Variants in NPR1 observed in about 807,000 individuals in gnomAD.
NPR1 encodes the protein natriuretic peptide receptor 1.
Under a neutral mutation model 116.9 loss-of-function variants are expected in NPR1, and 57 were observed. The ratio of observed to expected loss-of-function variants is 0.49; its 90% CI spans 0.39 to 0.61. NPR1 has a LOEUF of 0.61. Among genes scored for constraint, NPR1 ranks in the 20% least tolerant of loss-of-function variants. The pLI is 0.00. For missense variants in NPR1, 1,096 were observed against 1,409.8 expected, an observed-to-expected ratio of 0.78 and a Z score of 3.56; for synonymous variants, 555 against 601.6, an observed-to-expected ratio of 0.92 and a Z score of 1.13.
In NPR1 at chr1:153,693,164, C is replaced by T. The variant is rs761994685; in HGVS notation, c.3090C>T (p.Phe1030=). 3.1e-6 allele frequency: 5 copies of T among 1,614,054 alleles called. No homozygotes were observed. Among genetic ancestry groups the T allele is most frequent in the South Asian group, 2.2e-5 (2 of 91,062 alleles). The stretch of plus-strand genomic sequence containing the variant: ...CTGTCCTGGAGGAGTTTGGTGGTTT[C>T]GAGCTGGAGCTTCGAGGGGATGTAG... ...TKAVLEEFGG[F]ELELRGDVEM... Residue 1030 remains phenylalanine (F), a synonymous_variant, in exon 21 of 22, where the codon TTC becomes TTT. Transcript: ENST00000368680.
chr1:153,679,748 AC>A lies in NPR1; in HGVS notation c.641del (p.Thr214ArgfsTer113), dbSNP rs759620301. 6.3e-7 allele frequency: 1 copy of A among 1,591,694 alleles called. No individual in the cohort carries two copies. The highest frequency in any genetic ancestry group is 1.3e-5 in the African/African-American group (1 of 74,540). The part of the protein sequence containing the change: ...FMRVRDRLNI[T>X]VDHLEFAEDD... ...GCGGGTCCGCGACCGCCTCAATATT[AC>A]GGTGGACCACCTGGAGTTCGCCGAG... is the stretch of plus-strand genomic sequence containing the variant. On this transcript the variant is annotated frameshift_variant, in exon 1 of 22. Coordinates refer to ENST00000368680, the MANE Select transcript of NPR1 (RefSeq NM_000906.4). LOFTEE classifies it high-confidence loss of function. This position sits in a 1 kb window ranked among gnomAD's most constrained non-coding sequence, Gnocchi z 4.2.
intron 2 of NPR1, 134 bp from the exon 3 acceptor site, chr1:153,681,046 G>T: frequency 1.5e-6 from 1 of 650,726 alleles, no homozygotes; most frequent in Non-Finnish European, 2.8e-6. Flanking sequence ...CTTCATGCAG[G>T]GCATAGGGTC....
chr1:153,678,915 C>T lies in NPR1; in HGVS notation c.-194C>T, dbSNP rs1173145691. ...TCCGCGGCGCCCTGCGCGCCCCCCTCGGTCGCGCCCCTTGCGCTCTCGGCC... is the reference window on the plus strand; with the variant it reads ...TCCGCGGCGCCCTGCGCGCCCCCCTTGGTCGCGCCCCTTGCGCTCTCGGCC... On this transcript the variant is annotated 5_prime_UTR_variant, in exon 1 of 22. Coordinates refer to ENST00000368680, the MANE Select transcript of NPR1 (RefSeq NM_000906.4). The surrounding 1 kb of genome is among the most constrained non-coding windows in gnomAD (Gnocchi z 5.8). 7.1e-6 allele frequency: 5 copies of T among 705,774 alleles called. No homozygotes were observed. The highest frequency in any genetic ancestry group is 1.0e-5 in the Non-Finnish European group (5 of 478,090). The allele number at this position is 705,774 out of a possible 1,614,324, so 43.7% of individuals were successfully genotyped here. A position where few individuals can be genotyped will look rare whatever the true frequency, so the allele number is the denominator to read the frequency against.
chr1:153,688,277 C>T, intron 15 of NPR1, 56 bp downstream of exon 15: 1 of 1,566,076 alleles, frequency 6.4e-7, no homozygotes, highest in Non-Finnish European at 8.7e-7. Flanking sequence ...CACCATTTAC[C>T]TAATGCTTCT....
At position 153,679,649 on chromosome 1, in the gene NPR1, C is replaced by A. The variant is rs774323164; in HGVS notation, c.541C>A (p.Gln181Lys). The change falls in exon 1 of 22, where the codon CAA becomes AAA. Residue 181 changes from glutamine (Q) to lysine (K), a missense_variant. Physicochemically the swap from Gln to Lys is moderately conservative, Grantham distance 53 (BLOSUM62 1). Coordinates refer to ENST00000368680, the MANE Select transcript of NPR1 (RefSeq NM_000906.4). This position sits in a 1 kb window ranked among gnomAD's most constrained non-coding sequence, Gnocchi z 4.2. ...GCACCGACGGCTGGGCTGGGAGCGC[C>A]AAGCGCTCATGCTCTACGCCTACCG... ...ALHRRLGWER[Q>K]ALMLYAYRPG... 23 of 1,602,496 alleles carry A rather than the reference C, an allele frequency of 1.4e-5. No individual in the cohort carries two copies. The South Asian group carries it at 2.6e-4, about 18-fold the overall frequency.
rs1354718765 is a variant in NPR1 at position 153,687,808 on chromosome 1, C to T, written c.2248+19C>T. On this transcript the variant is annotated intron_variant, in intron 14 of 21. Coordinates refer to ENST00000368680, the MANE Select transcript of NPR1 (RefSeq NM_000906.4). ...CCCAAAGGTGAGAGGAGCACACCTT[C>T]CTTAAACCCAGCCACAGTCTCAACG... 6.4e-7 allele frequency: 1 copy of T among 1,559,894 alleles called. No individual in the cohort carries two copies. Among genetic ancestry groups the T allele is most frequent in the Non-Finnish European group, 8.7e-7 (1 of 1,147,450 alleles).
chr1:153,688,402 G>A (rs2101737455), intron 15 of NPR1, among the ~76,000 whole-genome samples, 181 bp downstream of exon 15: 1 of 152,224 alleles, frequency 6.6e-6, no homozygotes, highest in East Asian at 1.9e-4. Flanking sequence ...GCATGACTCA[G>A]CTGTCCCCAC....
In NPR1 at chr1:153,689,409, G is replaced by C. The variant is rs544221797; in HGVS notation, c.2689-44G>C. 302 of 1,613,614 alleles carry C rather than the reference G, an allele frequency of 1.9e-4. No individual in the cohort carries two copies. In the Middle Eastern group the frequency reaches 2.8e-3, roughly 15 times the overall value. ...TGCTTTACCCACCTGACCCCAGGTG[G>C]GGTCCCCTACTTCCTGTCTCTCTTA... On this transcript the variant is annotated intron_variant, in intron 17 of 21. Transcript: ENST00000368680. The surrounding 1 kb of genome is among the most constrained non-coding windows in gnomAD (Gnocchi z 5.1).
intron 5 of NPR1, 55 bp from the exon 6 acceptor site, chr1:153,683,321 A>G (rs959914666): frequency 5.6e-5 from 88 of 1,579,450 alleles, no homozygotes; most frequent in Non-Finnish European, 7.0e-5. Flanking sequence ...TGCTGCACTC[A>G]CAGCATGCCT....
chr1:153,683,722 A>G lies in NPR1; in HGVS notation c.1400-18A>G. On this transcript the variant is annotated intron_variant, in intron 6 of 21. Transcript: ENST00000368680. ...TAACCCAAATCTCTCTTGCTGCAATATGGACTCTCTCCTGCAGATCACCTT... is the reference window on the plus strand; with the variant it reads ...TAACCCAAATCTCTCTTGCTGCAATGTGGACTCTCTCCTGCAGATCACCTT... 6.2e-7 allele frequency: 1 copy of G among 1,613,038 alleles called. No individual in the cohort carries two copies. The highest frequency in any genetic ancestry group is 1.7e-5 in the Admixed American group (1 of 60,012).
Position 153,689,898 on chromosome 1 carries a change from G to C in NPR1, c.2850G>C (p.Leu950=). 6.4e-7 allele frequency: 1 copy of C among 1,574,560 alleles called. No individual in the cohort carries two copies. Among genetic ancestry groups the C allele is most frequent in the Non-Finnish European group, 8.6e-7 (1 of 1,158,690 alleles). ...CCTGCGAGGTAGCCCGCATGGCCCT[G>C]GCACTGCTGGATGCTGTGCGCTCCT... ...LHACEVARMA[L]ALLDAVRSFR... is the part of the protein sequence containing the mutation. Residue 950 remains leucine (L), a synonymous_variant, in exon 19 of 22, where the codon CTG becomes CTC. Coordinates refer to ENST00000368680, the MANE Select transcript of NPR1 (RefSeq NM_000906.4). The surrounding 1 kb of genome is among the most constrained non-coding windows in gnomAD (Gnocchi z 5.1).
intron 15 of NPR1, among the ~76,000 whole-genome samples, chr1:153,688,433 C>T (rs1669996473): frequency 6.6e-6 from 1 of 152,164 alleles, no homozygotes; most frequent in Admixed American, 6.5e-5. Flanking sequence ...CATTCATGCC[C>T]CTTCCCTCCA....
chr1:153,683,322 C>T, intron 5 of NPR1, 54 bp from the exon 6 acceptor site: 2 of 1,584,434 alleles, frequency 1.3e-6, no homozygotes, highest in Non-Finnish European at 1.7e-6. Flanking sequence ...GCTGCACTCA[C>T]AGCATGCCTT....
intron 3 of NPR1, 105 bp from the exon 4 acceptor site, chr1:153,681,599 C>T: frequency 7.8e-7 from 1 of 1,286,878 alleles, no homozygotes; most frequent in Non-Finnish European, 1.1e-6. Context: ...GTTATTTTCT[C>T]CCATCCTCTT....
At chr1:153,692,102 G>A (rs1405055046) in intron 20 of NPR1, among the ~76,000 whole-genome samples, 4 of 152,048 alleles carry the variant, frequency 2.6e-5, no homozygotes, top group Non-Finnish European at 5.9e-5. Flanking sequence ...CAAAATGAGG[G>A]TATAGCATGA....
Position 153,679,114 on chromosome 1 carries a change from G to A in NPR1, c.6G>A (p.Pro2=). 11 of 1,428,336 alleles carry A rather than the reference G, an allele frequency of 7.7e-6. No individual in the cohort carries two copies. Among genetic ancestry groups the A allele is most frequent in the Non-Finnish European group, 9.1e-6 (10 of 1,102,538 alleles). The allele number at this position is 1,428,336 out of a possible 1,614,324, so 88.5% of individuals were successfully genotyped here. A position where few individuals can be genotyped will look rare whatever the true frequency, so the allele number is the denominator to read the frequency against. Residue 2 remains proline, a synonymous_variant, in exon 1 of 22, where the codon CCG becomes CCA. Coordinates refer to ENST00000368680, the MANE Select transcript of NPR1 (RefSeq NM_000906.4). The surrounding 1 kb of genome is among the most constrained non-coding windows in gnomAD (Gnocchi z 4.2). M[P]GPRRPAGSRL... ...CTGCGGTGCCCGCTGAGGCCATGCC[G>A]GGGCCCCGGCGCCCCGCTGGCTCCC...
chr1:153,681,235 T>C lies in NPR1; in HGVS notation c.977T>C (p.Leu326Pro). The change falls in exon 3 of 22, where the codon CTG becomes CCG. Residue 326 changes from leucine (L) to proline (P), a missense_variant. By Grantham distance (98) the Leu-to-Pro change is moderately conservative. Transcript: ENST00000368680. ...DPDNPEYLEF[L>P]KQLKHLAYEQ... is the part of the protein sequence containing the mutation. The stretch of plus-strand genomic sequence containing the variant: ...GATAATCCCGAGTACTTGGAATTCC[T>C]GAAGCAGTTAAAACACCTGGCCTAT... The C allele has an allele frequency of 6.2e-7, 1 of 1,613,912 alleles. No individual in the cohort carries two copies. The highest frequency in any genetic ancestry group is 8.5e-7 in the Non-Finnish European group (1 of 1,179,838).
At chr1:153,690,942 CAAAAAAAAAAAA>C (rs57820357) in intron 20 of NPR1, among the ~76,000 whole-genome samples, 10 of 51,318 alleles carry the variant, frequency 1.9e-4, no homozygotes, top group South Asian at 9.6e-4. Context: ...AACTCTGTCT[CAAAAAAAAAAAA>C]AAAAAAAAAA....
At chr1:153,687,566 C>A in intron 13 of NPR1, 68 bp from the exon 14 acceptor site, 1 of 1,524,398 alleles carries the variant, frequency 6.6e-7, no homozygotes, top group East Asian at 2.3e-5. Context: ...TCGGCCACAC[C>A]CTTGTTTCCC....
Sources: allele counts gnomAD v4.1 joint callset (sites outside exome capture counted in the v4.1 genomes callset), GRCh38; gene constraint gnomAD v4.1.1; non-coding constraint Gnocchi (gnomAD v3.1); transcripts MANE v1.5; gene names NCBI Gene and HGNC (gene_info 2026-07-23, HGNC 2026-07-21).